The following ADK variants were observed in gnomAD, a reference collection of about 807,000 sequenced individuals.
ADK encodes the protein adenosine kinase.
In ADK, 24 loss-of-function variants were observed where a neutral mutation model predicts 44.7. The observed-to-expected ratio is 0.54, with a 90% CI of 0.39 to 0.76. ADK has a LOEUF of 0.76. Ranked by LOEUF, ADK falls within the 30% of genes least tolerant of loss-of-function variation. ADK has a pLI of 0.00. For synonymous variants in ADK, 128 were observed against 142.6 expected, an observed-to-expected ratio of 0.90 and a Z score of 0.73; for missense variants, 321 against 425.1, an observed-to-expected ratio of 0.76 and a Z score of 2.15.
chr10:74,413,057 C>CA (rs748821548), intron 6 of ADK, among the ~76,000 whole-genome samples: 2,986 of 139,478 alleles, frequency 0.021, 32 homozygotes, highest in Non-Finnish European at 0.032. Flanking sequence ...AAACTGTCCC[C>CA]AAAAAAAAAA....
chr10:74,408,836 T>C (rs1844060620), intron 6 of ADK, among the ~76,000 whole-genome samples: 2 of 152,140 alleles, frequency 1.3e-5, no homozygotes, highest in African/African-American at 4.8e-5. Context: ...TTGAGTGGGC[T>C]GAGGAGGGGA....
chr10:74,388,010 C>T (rs547399098), intron 4 of ADK, among the ~76,000 whole-genome samples: 1 of 152,028 alleles, frequency 6.6e-6, no homozygotes, highest in East Asian at 1.9e-4. Flanking sequence ...TGGGTTCAAG[C>T]GATTCTCCTT....
chr10:74,151,413 A>G, intron 1 of ADK, 70 bp downstream of exon 1: 1 of 1,478,146 alleles, frequency 6.8e-7, no homozygotes, highest in Non-Finnish European at 9.2e-7. Flanking sequence ...GTGGGGTTGC[A>G]CGGCCCCGAC....
At chr10:74,339,630 G>T (rs1161047303) in intron 4 of ADK, among the ~76,000 whole-genome samples, 1 of 152,156 alleles carries the variant, frequency 6.6e-6, no homozygotes, top group Non-Finnish European at 1.5e-5. Flanking sequence ...GATGCAAAAA[G>T]TGATGAAATA....
In ADK at chr10:74,655,827, GA is replaced by G. The variant is rs568504925; in HGVS notation, c.878-14355del. On this transcript the variant is annotated intron_variant, in intron 9 of 10. Coordinates refer to ENST00000539909, the MANE Select transcript of ADK (RefSeq NM_006721.4). ...GGCAGAGGTACAGGGCAAGGACAGA[GA>G]GGTGGTACTCATCAAGCAGGAGAAC... 7.3e-4 allele frequency: 379 copies of G among 521,826 alleles called. 1 individual carries two copies. Among genetic ancestry groups the G allele is most frequent in the African/African-American group, 6.7e-3 (348 of 51,936 alleles). 32.3% of individuals were successfully genotyped at this position (521,826 alleles called of 1,614,324 possible).
At chr10:74,208,964 T>TGAC (rs1328754394) in intron 2 of ADK, among the ~76,000 whole-genome samples, 1 of 152,156 alleles carries the variant, frequency 6.6e-6, no homozygotes, top group African/African-American at 2.4e-5. Context: ...CTCGAACTCC[T>TGAC]GACCTCTGGT....
Position 74,200,825 on chromosome 10 carries a change from G to T in ADK, c.127G>T (p.Asp43Tyr), listed in dbSNP as rs1257532818. The change falls in exon 2 of 11, where the codon GAT becomes TAT. Residue 43 changes from aspartate to tyrosine, a missense_variant. Physicochemically the swap from Asp to Tyr is radical, Grantham distance 160. Transcript: ENST00000539909. The stretch of plus-strand genomic sequence containing the variant: ...TGACATCTCTGCTGTAGTGGACAAA[G>T]ATTTCCTTGATAAGTAAGTATTAAA... ...LLDISAVVDKDFLDKYSLKPN... is the reference protein window; with the variant it reads ...LLDISAVVDKYFLDKYSLKPN... 1.9e-6 allele frequency: 3 copies of T among 1,603,422 alleles called. No individual in the cohort carries two copies. The highest frequency in any genetic ancestry group is 1.7e-6 in the Non-Finnish European group (2 of 1,170,836).
intron 6 of ADK, among the ~76,000 whole-genome samples, chr10:74,458,290 C>A (rs189879706): frequency 6.8e-6 from 1 of 146,108 alleles, no homozygotes; most frequent in African/African-American, 2.5e-5. Context: ...ACCACCACTC[C>A]CAGGTTTTGT....
intron 4 of ADK, among the ~76,000 whole-genome samples, chr10:74,323,223 T>A (rs187262294): frequency 1.3e-5 from 2 of 152,228 alleles, no homozygotes; most frequent in Non-Finnish European, 2.9e-5. Context: ...TTTTTGGTCC[T>A]ATGGATGGTA....
chr10:74,574,230 G>A (rs967265391), intron 7 of ADK, among the ~76,000 whole-genome samples: 3 of 149,814 alleles, frequency 2.0e-5, no homozygotes, highest in Middle Eastern at 3.4e-3. Flanking sequence ...ACAGTGGTGC[G>A]ATCTCAGCTC....
chr10:74,407,462 T>G (rs1370579443), intron 6 of ADK, among the ~76,000 whole-genome samples: 1 of 152,244 alleles, frequency 6.6e-6, no homozygotes, highest in Non-Finnish European at 1.5e-5. Context: ...ATAACAATTG[T>G]TTTAATATTC....
intron 9 of ADK, among the ~76,000 whole-genome samples, chr10:74,631,258 G>GAT (rs1297060780): frequency 6.7e-6 from 1 of 149,962 alleles, no homozygotes; most frequent in Non-Finnish European, 1.5e-5. Flanking sequence ...GTATGTGTGT[G>GAT]ATATATATAT....
chr10:74,462,290 A>G (rs2133247890), intron 6 of ADK, among the ~76,000 whole-genome samples: 1 of 152,224 alleles, frequency 6.6e-6, no homozygotes, highest in South Asian at 2.1e-4. Context: ...AAAAATTAGA[A>G]GTTATACGGA....
chr10:74,532,202 T>G (rs1448722686), intron 7 of ADK, among the ~76,000 whole-genome samples: 2 of 152,156 alleles, frequency 1.3e-5, no homozygotes, highest in Non-Finnish European at 2.9e-5. Context: ...CTATTTCTGT[T>G]AAAAGCCCTC....
At chr10:74,441,876 TA>T (rs1220787306) in intron 6 of ADK, among the ~76,000 whole-genome samples, 4 of 151,978 alleles carry the variant, frequency 2.6e-5, no homozygotes, top group Non-Finnish European at 4.4e-5. Context: ...AAAACCCGAT[TA>T]AAAAATGAGC....
intron 10 of ADK, among the ~76,000 whole-genome samples, chr10:74,686,769 C>G (rs7081474): frequency 6.6e-6 from 1 of 152,184 alleles, no homozygotes; most frequent in Non-Finnish European, 1.5e-5. Context: ...CTCTGCCTCT[C>G]GGGTTCAAGC....
At chr10:74,176,958 T>C in intron 1 of ADK, 1 of 1,590,878 alleles carries the variant, frequency 6.3e-7, no homozygotes. Flanking sequence ...GCACTGTCGC[T>C]CCTTCTCGCG....
intron 4 of ADK, among the ~76,000 whole-genome samples, chr10:74,339,082 T>C (rs1333211050): frequency 6.6e-6 from 1 of 152,170 alleles, no homozygotes; most frequent in Admixed American, 6.5e-5. Flanking sequence ...GCCTCCCAGG[T>C]AGCTAGGACT....
intron 6 of ADK, among the ~76,000 whole-genome samples, chr10:74,454,908 G>A (rs1017108630): frequency 2.6e-5 from 4 of 152,114 alleles, no homozygotes; most frequent in African/African-American, 9.7e-5. Context: ...ATTCACATAA[G>A]GGTCTTGTGA....
Sources: gnomAD v4.1 joint callset for allele counts (sites outside exome capture counted in the v4.1 genomes callset) on GRCh38, gnomAD v4.1.1 for gene constraint, MANE v1.5 for transcripts, NCBI Gene and HGNC (gene_info 2026-07-23, HGNC 2026-07-21) for gene names.